MLLT6: variants seen among roughly 807,000 people sequenced by gnomAD.
MLLT6 encodes the protein protein AF-17.
A neutral mutation model predicts 103.0 loss-of-function variants in MLLT6; 22 were observed. That is an observed-to-expected ratio of 0.21 (90% CI 0.15 to 0.31). MLLT6 has a LOEUF of 0.31. MLLT6 is among the 10% of genes least tolerant of loss of function. The pLI is 1.00. For missense variants in MLLT6, 1,199 were observed against 1,441.7 expected, an observed-to-expected ratio of 0.83 and a Z score of 2.73; for synonymous variants, 606 against 623.5, an observed-to-expected ratio of 0.97 and a Z score of 0.42.
In MLLT6 at chr17:38,720,498, T is replaced by G; in HGVS notation, c.2282T>G (p.Phe761Cys). The G allele has an allele frequency of 6.2e-7, 1 of 1,612,728 alleles. No individual in the cohort carries two copies. Among genetic ancestry groups the G allele is most frequent in the Non-Finnish European group, 8.5e-7 (1 of 1,179,840 alleles). Residue 761 changes from phenylalanine (F) to cysteine (C), a missense_variant, in exon 15 of 20, where the codon TTC becomes TGC. Phe to Cys is a radical substitution (Grantham distance 205). Transcript: ENST00000621332. ...QILNVQLSVP[F>C]PALPAALPAA... ...CTCAACGTGCAGCTCTCTGTGCCCTTCCCTGCCCTGCCTGCTGCCCTGCCT... is the reference window on the plus strand; with the variant it reads ...CTCAACGTGCAGCTCTCTGTGCCCTGCCCTGCCCTGCCTGCTGCCCTGCCT...
intron 6 of MLLT6, among the ~76,000 whole-genome samples, chr17:38,711,533 A>G (rs1032324499): frequency 1.1e-4 from 17 of 152,136 alleles, no homozygotes; most frequent in Admixed American, 1.1e-3. Flanking sequence ...AGAGGGCACC[A>G]TGGAGAGAAT....
chr17:38,710,153 A>G (rs1368303546), intron 6 of MLLT6, among the ~76,000 whole-genome samples: 2 of 152,168 alleles, frequency 1.3e-5, no homozygotes, highest in Non-Finnish European at 2.9e-5. Flanking sequence ...AGCGTGGACA[A>G]AGTCCTGAGA....
At chr17:38,712,115 C>T (rs1461175479) in intron 7 of MLLT6, 101 bp downstream of exon 7, 2 of 1,387,656 alleles carry the variant, frequency 1.4e-6, no homozygotes, top group African/African-American at 3.0e-5. Context: ...AGGTCTTGGC[C>T]CTGCCTTCTT....
At chr17:38,708,939 G>T in intron 4 of MLLT6, 1 of 517,242 alleles carries the variant, frequency 1.9e-6, no homozygotes, top group Non-Finnish European at 3.4e-6. Context: ...ATACAGTTTA[G>T]AATCTAGTTC....
In MLLT6 at chr17:38,719,744, C is replaced by T. The variant is rs770543687; in HGVS notation, c.2010-6C>T. On this transcript the variant is annotated splice_region_variant and splice_polypyrimidine_tract_variant and intron_variant, in intron 13 of 19. Coordinates refer to ENST00000621332, the MANE Select transcript of MLLT6 (RefSeq NM_005937.4). ...TCGACTGAACCCAGGTTCCCTCTGG[C>T]CGCAGGTCCCCCATCAGCAGCCTCC... 8 of 1,605,480 alleles carry T rather than the reference C, an allele frequency of 5.0e-6. No individual in the cohort carries two copies. Among genetic ancestry groups the T allele is most frequent in the Non-Finnish European group, 6.0e-6 (7 of 1,174,436 alleles).
intron 8 of MLLT6, chr17:38,713,008 G>A (rs759052264): frequency 6.4e-6 from 5 of 777,062 alleles, no homozygotes. Flanking sequence ...TTGGGGTGCT[G>A]TCTGCCAGAT....
At position 38,719,778 on chromosome 17, in the gene MLLT6, T is replaced by A; in HGVS notation, c.2038T>A (p.Phe680Ile). The change falls in exon 14 of 20, where the codon TTC becomes ATC. Residue 680 changes from phenylalanine to isoleucine, a missense_variant. Phe to Ile is a conservative substitution (Grantham distance 21). Transcript: ENST00000621332. ...CCCCATCAGCAGCCTCCCCGCACTC[T>A]TCGACCAGACAGCCTCTGCACCCTG... ...MSPISSLPALFDQTASAPCGG... is the reference protein window; with the variant it reads ...MSPISSLPALIDQTASAPCGG... 1 of 1,613,326 alleles carries A rather than the reference T, an allele frequency of 6.2e-7. No homozygotes were observed. Among genetic ancestry groups the A allele is most frequent in the Non-Finnish European group, 8.5e-7 (1 of 1,179,798 alleles).
At position 38,709,164 on chromosome 17, in the gene MLLT6, G is replaced by A; in HGVS notation, c.355-9G>A. 1 of 1,608,140 alleles carries A rather than the reference G, an allele frequency of 6.2e-7. No homozygotes were observed. Among genetic ancestry groups the A allele is most frequent in the Non-Finnish European group, 8.5e-7 (1 of 1,177,450 alleles). On this transcript the variant is annotated splice_polypyrimidine_tract_variant and intron_variant, in intron 4 of 19. Coordinates refer to ENST00000621332, the MANE Select transcript of MLLT6 (RefSeq NM_005937.4). This position sits in a 1 kb window ranked among gnomAD's most constrained non-coding sequence, Gnocchi z 4.3. ...CTGGAGGAGGGGACGATTGCGCTGT[G>A]TCCTGCAGACCTGTTACATCTGCGA...
intron 14 of MLLT6, 125 bp from the exon 15 acceptor site, chr17:38,720,247 C>T (rs1409694944): frequency 1.1e-5 from 10 of 940,640 alleles, no homozygotes; most frequent in Non-Finnish European, 1.4e-5. Flanking sequence ...CACCTGTGTC[C>T]CTCCTTAGGA....
rs1384781921 is a variant in MLLT6, at chr17:38,712,743, C to T, written c.773C>T (p.Ser258Leu). ...CAGAAGCACAAGAAGCGGCCTGAGTCGCCCCCCAGCATCCTCACCCCGCCC... is the reference window on the plus strand; with the variant it reads ...CAGAAGCACAAGAAGCGGCCTGAGTTGCCCCCCAGCATCCTCACCCCGCCC... The part of the protein sequence containing the change: ...LKQKHKKRPE[S>L]PPSILTPPVV... Residue 258 changes from serine to leucine, a missense_variant, in exon 8 of 20, where the codon TCG (serine) becomes TTG (leucine). Ser to Leu is a moderately radical substitution (Grantham distance 145, BLOSUM62 -2). Around this residue, in one of 7 missense-constraint regions of MLLT6, gnomAD observed 1,034 missense variants for 1,091.5 expected, o/e 0.95. Transcript: ENST00000621332. 3.7e-6 allele frequency: 6 copies of T among 1,613,786 alleles called. No homozygotes were observed. The highest frequency in any genetic ancestry group is 1.1e-5 in the South Asian group (1 of 91,088).
intron 8 of MLLT6, chr17:38,713,279 A>C: frequency 2.4e-6 from 1 of 418,044 alleles, no homozygotes; most frequent in Non-Finnish European, 4.2e-6. Context: ...CGAAACTCCC[A>C]CTCATCCCAC....
intron 1 of MLLT6, chr17:38,706,611 G>C (rs1904935731): frequency 4.2e-6 from 1 of 237,682 alleles, no homozygotes; most frequent in Non-Finnish European, 8.0e-6. Flanking sequence ...GGTCGTGACT[G>C]TTGTCCCCTC....
chr17:38,716,682 C>T lies in MLLT6; in HGVS notation c.1352C>T (p.Thr451Ile), dbSNP rs1400974167. ...THKRMPALSA[T>I]PVPADETPET... The stretch of plus-strand genomic sequence containing the variant: ...AAACGGATGCCCGCACTGAGTGCCA[C>T]CCCTGTGCCTGCTGATGAGACCCCT... The change falls in exon 10 of 20, where the codon ACC (threonine) becomes ATC (isoleucine). Residue 451 changes from threonine to isoleucine, a missense_variant. Physicochemically the swap from Thr to Ile is moderately conservative, Grantham distance 89 (BLOSUM62 -1). This residue lies in a region of MLLT6 where 1,034 missense variants were observed against 1,091.5 expected (regional missense o/e 0.95). Transcript: ENST00000621332. The surrounding 1 kb of genome is among the most constrained non-coding windows in gnomAD (Gnocchi z 5.6). 3.7e-6 allele frequency: 6 copies of T among 1,613,088 alleles called. No homozygotes were observed. Among genetic ancestry groups the T allele is most frequent in the Non-Finnish European group, 5.1e-6 (6 of 1,179,726 alleles).
chr17:38,725,085 C>T, intron 19 of MLLT6, 109 bp downstream of exon 19: 1 of 811,976 alleles, frequency 1.2e-6, no homozygotes, highest in South Asian at 1.8e-5. Flanking sequence ...GAAGCAACCC[C>T]TAGGTCAGCA....
intron 15 of MLLT6, 23 bp from the exon 16 acceptor site, chr17:38,720,636 A>G (rs746199560): frequency 6.2e-7 from 1 of 1,613,316 alleles, no homozygotes; most frequent in Non-Finnish European, 8.5e-7. Context: ...CCCTGACTGC[A>G]GCCTGTGACA....
chr17:38,725,708 A>G lies in MLLT6; in HGVS notation c.*110A>G. 1 of 955,944 alleles carries G rather than the reference A, an allele frequency of 1.0e-6. No individual in the cohort carries two copies. The highest frequency in any genetic ancestry group is 1.6e-6 in the Non-Finnish European group (1 of 644,872). The allele number at this position is 955,944 out of a possible 1,614,324, so 59.2% of individuals were successfully genotyped here. A position where few individuals can be genotyped will look rare whatever the true frequency, so the allele number is the denominator to read the frequency against. ...CCCAGACCCTGGAGAGCCTTGACCC[A>G]GAGCCTGTGCTGAGGTCCAGGGAGT... is the stretch of plus-strand genomic sequence containing the variant. On this transcript the variant is annotated 3_prime_UTR_variant, in exon 20 of 20. Transcript: ENST00000621332.
Position 38,724,950 on chromosome 17 carries a change from G to A in MLLT6, c.3214G>A (p.Gly1072Ser). The A allele has an allele frequency of 3.9e-6, 6 of 1,543,466 alleles. No homozygotes were observed. The South Asian group carries it at 6.0e-5, about 15-fold the overall frequency. Reference sequence around the variant, plus strand: ...CTTCCTCAGCCTGTCGGGAGCAGAGGGCAGTGGCGGTGGCCCCAAAGGAGG... The same window carrying A: ...CTTCCTCAGCCTGTCGGGAGCAGAGAGCAGTGGCGGTGGCCCCAAAGGAGG... ...NPFLSLSGAE[G>S]SGGGPKGGTA... Residue 1072 changes from glycine to serine, a missense_variant, in exon 19 of 20, where the codon GGC (glycine) becomes AGC (serine). Coordinates refer to ENST00000621332, the MANE Select transcript of MLLT6 (RefSeq NM_005937.4). This position sits in a 1 kb window ranked among gnomAD's most constrained non-coding sequence, Gnocchi z 5.4.
At chr17:38,718,595 C>T (rs908886600) in intron 12 of MLLT6, 10 of 152,290 alleles carry the variant, frequency 6.6e-5, no homozygotes, top group African/African-American at 2.2e-4. Flanking sequence ...AAGACTTGCT[C>T]AAGGCAGGAA....
intron 6 of MLLT6, among the ~76,000 whole-genome samples, chr17:38,710,966 A>G (rs1045225289): frequency 1.3e-5 from 2 of 152,152 alleles, no homozygotes; most frequent in African/African-American, 4.8e-5. Context: ...TGGCAGCTCC[A>G]GGCTTATAAG....
Sources: gnomAD v4.1 joint callset for allele counts (sites outside exome capture counted in the v4.1 genomes callset) on GRCh38, gnomAD v4.1.1 for gene constraint, gnomAD v4.1.1 regional missense constraint, Gnocchi (gnomAD v3.1) non-coding constraint, MANE v1.5 for transcripts, NCBI Gene and HGNC (gene_info 2026-07-23, HGNC 2026-07-21) for gene names.